The following AQR variants were observed in gnomAD, a reference collection of about 807,000 sequenced individuals.
AQR encodes the protein RNA helicase aquarius.
AQR carries 61 observed loss-of-function variants against 180.5 expected under a neutral mutation model. That is an observed-to-expected ratio of 0.34 (90% CI 0.28 to 0.42). AQR has a LOEUF of 0.42. AQR is among the 10% of genes least tolerant of loss of function. The probability of loss-of-function intolerance (pLI) is 1.00; values close to 1 mark genes in which losing one functional copy is unlikely to be tolerated. For missense variants in AQR, 1,281 were observed against 1,798.3 expected (o/e 0.71, Z 5.20); for synonymous variants, 551 against 588.8 (o/e 0.94, Z 0.93).
At chr15:34,958,198 C>T (rs1227371334) in intron 3 of AQR, among the ~76,000 whole-genome samples, 1 of 151,902 alleles carries the variant, frequency 6.6e-6, no homozygotes, top group Non-Finnish European at 1.5e-5. Context: ...CAGAGCAAGA[C>T]TCCGTCTCAA....
At chr15:34,926,979 A>C in intron 13 of AQR, 56 bp downstream of exon 13, 1 of 1,096,644 alleles carries the variant, frequency 9.1e-7, no homozygotes, top group Non-Finnish European at 1.3e-6. Context: ...AAAGAAAAGT[A>C]AAATTGAGGG....
chr15:34,864,378 A>G (rs1892714167), intron 32 of AQR, among the ~76,000 whole-genome samples: 1 of 152,190 alleles, frequency 6.6e-6, no homozygotes, highest in Admixed American at 6.6e-5. Flanking sequence ...ACTCCTTTAC[A>G]GAAACCTTGA....
chr15:34,913,687 G>A (rs1292811153), intron 16 of AQR, among the ~76,000 whole-genome samples: 5 of 152,082 alleles, frequency 3.3e-5, no homozygotes, highest in African/African-American at 9.7e-5. Flanking sequence ...TTAATAAATC[G>A]CTAGTCTGCA....
intron 27 of AQR, among the ~76,000 whole-genome samples, chr15:34,876,448 T>C (rs962019074): frequency 6.6e-6 from 1 of 152,108 alleles, no homozygotes; most frequent in East Asian, 1.9e-4. Flanking sequence ...AACAATTCAC[T>C]TCAGTCTCAC....
rs192023282 is a variant in AQR at position 34,895,001 on chromosome 15, A to C, written c.2461-1228T>G. On this transcript the variant is annotated intron_variant, in intron 22 of 34. Coordinates refer to ENST00000156471, the MANE Select transcript of AQR (RefSeq NM_014691.3). Reference sequence around the variant, plus strand: ...CCAACACAGTGAAACCCAATTCTCTACTAAAAATACAAAAATATCAGCTGG... The same window carrying C: ...CCAACACAGTGAAACCCAATTCTCTCCTAAAAATACAAAAATATCAGCTGG... 9.3e-5 allele frequency among the ~76,000 whole-genome samples: 14 copies of C among 150,568 alleles called. No homozygotes were observed. The East Asian group carries it at 2.4e-3, about 25-fold the overall frequency.
intron 32 of AQR, among the ~76,000 whole-genome samples, chr15:34,864,665 G>T (rs1229733910): frequency 1.6e-4 from 25 of 152,136 alleles, no homozygotes; most frequent in Non-Finnish European, 2.9e-5. Context: ...TTGTTTTCAT[G>T]GTGATCTCTT....
Position 34,860,087 on chromosome 15 carries a change from G to A in AQR, c.4098C>T (p.Tyr1366=). 1 of 1,520,744 alleles carries A rather than the reference G, an allele frequency of 6.6e-7. No individual in the cohort carries two copies. The highest frequency in any genetic ancestry group is 8.9e-7 in the Non-Finnish European group (1 of 1,121,376). 94.2% of individuals were successfully genotyped at this position (1,520,744 alleles called of 1,614,324 possible). A position where few individuals can be genotyped will look rare whatever the true frequency, so the allele number is the denominator to read the frequency against. The change falls in exon 34 of 35, where the codon TAC becomes TAT. Residue 1366 remains tyrosine, a synonymous_variant. Transcript: ENST00000156471. ...KNMPQMANFV[Y]NMYMHLIQTT... is the part of the protein sequence containing the mutation. Reference sequence around the variant, plus strand: ...TCTGTATCAAATGCATGTACATGTTGTATACAAAGTTTGCCATCTGGGGCA... The same window carrying A: ...TCTGTATCAAATGCATGTACATGTTATATACAAAGTTTGCCATCTGGGGCA...
chr15:34,901,433 G>A (rs1337766699), intron 19 of AQR, among the ~76,000 whole-genome samples: 1 of 152,148 alleles, frequency 6.6e-6, no homozygotes, highest in Non-Finnish European at 1.5e-5. Context: ...TAAAATTTCA[G>A]AAGGAAAGAA....
intron 4 of AQR, among the ~76,000 whole-genome samples, chr15:34,948,763 C>T (rs1273341909): frequency 1.3e-5 from 2 of 150,450 alleles, no homozygotes; most frequent in Non-Finnish European, 3.0e-5. Context: ...CGCCACTACA[C>T]TCCAGCCTGG....
At chr15:34,870,253 TTA>T (rs1280439310) in intron 31 of AQR, 4 of 152,238 alleles carry the variant, frequency 2.6e-5, no homozygotes, top group Admixed American at 1.3e-4. Flanking sequence ...AGTATTATCT[TTA>T]TGTTTTTTCT....
intron 13 of AQR, among the ~76,000 whole-genome samples, chr15:34,922,441 T>G (rs569026241): frequency 1.3e-5 from 2 of 152,310 alleles, no homozygotes; most frequent in African/African-American, 4.8e-5. Flanking sequence ...TATAAGAAAC[T>G]CAAATTTTTC....
intron 27 of AQR, among the ~76,000 whole-genome samples, chr15:34,878,256 C>T (rs1026570736): frequency 2.0e-5 from 3 of 151,612 alleles, no homozygotes; most frequent in South Asian, 4.2e-4. Flanking sequence ...TGTGGTGGCA[C>T]GTGCCTGTAA....
chr15:34,897,341 T>A (rs1269855329), intron 21 of AQR, among the ~76,000 whole-genome samples: 1 of 152,182 alleles, frequency 6.6e-6, no homozygotes, highest in Non-Finnish European at 1.5e-5. Flanking sequence ...CATTTATTTC[T>A]CATAGTACCT....
intron 3 of AQR, among the ~76,000 whole-genome samples, chr15:34,955,609 A>T (rs1595810475): frequency 1.3e-5 from 2 of 152,106 alleles, no homozygotes; most frequent in Admixed American, 1.3e-4. Context: ...ATAACAGTGA[A>T]CAAAAGAAGC....
rs1893917471 is a variant in AQR at position 34,934,523 on chromosome 15, A to G, written c.783+48T>C. On this transcript the variant is annotated intron_variant, in intron 10 of 34. Transcript: ENST00000156471. ...CATATATGGTCATATGCTTAATCTT[A>G]GACCCCCTAATGATTATATAACAAA... 7.9e-6 allele frequency: 11 copies of G among 1,389,434 alleles called. No individual in the cohort carries two copies. In the East Asian group the frequency reaches 2.7e-4, roughly 34 times the overall value. The allele number at this position is 1,389,434 out of a possible 1,614,324, so 86.1% of individuals were successfully genotyped here. A position where few individuals can be genotyped will look rare whatever the true frequency, so the allele number is the denominator to read the frequency against.
At chr15:34,887,872 G>A (rs147659282) in intron 24 of AQR, among the ~76,000 whole-genome samples, 10 of 152,304 alleles carry the variant, frequency 6.6e-5, no homozygotes, top group Non-Finnish European at 1.0e-4. Context: ...ACATATGGCA[G>A]ATAACTTTTT....
chr15:34,948,166 T>C (rs1894157656), intron 5 of AQR, 98 bp downstream of exon 5: 1 of 1,361,842 alleles, frequency 7.3e-7, no homozygotes, highest in Non-Finnish European at 9.8e-7. Context: ...CTGGGTAAAG[T>C]TCTGCTCTAA....
At chr15:34,963,941 C>T (rs1311256067) in intron 2 of AQR, among the ~76,000 whole-genome samples, 1 of 152,082 alleles carries the variant, frequency 6.6e-6, no homozygotes, top group African/African-American at 2.4e-5. Flanking sequence ...GGATTACAGG[C>T]GTGAGACACC....
chr15:34,870,965 G>T, intron 30 of AQR, 43 bp from the exon 31 acceptor site: 1 of 1,570,536 alleles, frequency 6.4e-7, no homozygotes, highest in Non-Finnish European at 8.7e-7. Context: ...ATTTGCTTTT[G>T]TTTCAATTTT....
Sources: gnomAD v4.1 joint callset for allele counts (sites outside exome capture counted in the v4.1 genomes callset) on GRCh38, gnomAD v4.1.1 for gene constraint, MANE v1.5 for transcripts, NCBI Gene and HGNC (gene_info 2026-07-23, HGNC 2026-07-21) for gene names.